The following ITPK1 variants were observed in gnomAD, a reference collection of about 807,000 sequenced individuals.
The protein encoded by ITPK1 is inositol 1,3,4-trisphosphate 5/6-kinase.
Under a neutral mutation model 45.3 loss-of-function variants are expected in ITPK1, and 21 were observed. That is an observed-to-expected ratio of 0.46 (90% CI 0.33 to 0.67). ITPK1 has a LOEUF of 0.67. Ranked by LOEUF, ITPK1 falls within the 30% of genes least tolerant of loss-of-function variation. The pLI, the probability that ITPK1 is intolerant of heterozygous loss-of-function variation, is 0.02. For missense variants in ITPK1, 474 were observed against 573.5 expected, an observed-to-expected ratio of 0.83 and a Z score of 1.77; for synonymous variants, 258 against 253.6, an observed-to-expected ratio of 1.02 and a Z score of -0.16.
chr14:92,951,484 G>A (rs1359519008), intron 9 of ITPK1, among the ~76,000 whole-genome samples: 2 of 152,182 alleles, frequency 1.3e-5, no homozygotes, highest in Non-Finnish European at 2.9e-5. Flanking sequence ...TGAACGGCCA[G>A]AACGCCCGTT....
rs537921002 is a variant in ITPK1, at chr14:92,977,033, C to T, written c.365-14184G>A. On this transcript the variant is annotated intron_variant, in intron 5 of 10. Transcript: ENST00000267615. ...TGCTCCATACTGTGTGAACTTGAGA[C>T]GGTTACTTCACCTTTTGGTGCCTTC... Among the ~76,000 whole-genome samples the T allele has an allele frequency of 1.8e-4, 28 of 152,342 alleles. No individual in the cohort carries two copies. In the South Asian group the frequency reaches 3.7e-3, roughly 20 times the overall value.
chr14:92,941,670 C>A lies in ITPK1; in HGVS notation c.1136G>T (p.Gly379Val). ...CTGGTGCGGCAGCTTGGCGGTGCCGCCCGCGTCGGCCTCAGCCTTCCAGGG... is the reference window on the plus strand; with the variant it reads ...CTGGTGCGGCAGCTTGGCGGTGCCGACCGCGTCGGCCTCAGCCTTCCAGGG... ...DAPWKAEADAGGTAKLPHQRL... is the reference protein window; with the variant it reads ...DAPWKAEADAVGTAKLPHQRL... The change falls in exon 11 of 11, where the codon GGC becomes GTC. Residue 379 changes from glycine to valine, a missense_variant. By Grantham distance (109) the Gly-to-Val change is moderately radical. Coordinates refer to ENST00000267615, the MANE Select transcript of ITPK1 (RefSeq NM_014216.6). 6.5e-7 allele frequency: 1 copy of A among 1,540,956 alleles called. No individual in the cohort carries two copies. Among genetic ancestry groups the A allele is most frequent in the Non-Finnish European group, 8.7e-7 (1 of 1,145,882 alleles).
chr14:93,053,546 T>C (rs377195915), intron 3 of ITPK1, among the ~76,000 whole-genome samples: 4 of 152,176 alleles, frequency 2.6e-5, no homozygotes, highest in African/African-American at 7.2e-5. Flanking sequence ...CTGCTCTGTA[T>C]GGTATGGTAA....
intron 3 of ITPK1, among the ~76,000 whole-genome samples, chr14:93,024,641 C>G (rs1888641803): frequency 1.3e-5 from 2 of 152,222 alleles, no homozygotes; most frequent in Non-Finnish European, 2.9e-5. Flanking sequence ...TACCGGGACC[C>G]TTATATTCCA....
At chr14:92,968,923 T>C (rs950979017) in intron 5 of ITPK1, among the ~76,000 whole-genome samples, 1 of 152,150 alleles carries the variant, frequency 6.6e-6, no homozygotes, top group Non-Finnish European at 1.5e-5. Flanking sequence ...AAGGCAGTCT[T>C]GAGCCCACAG....
At position 93,007,417 on chromosome 14, in the gene ITPK1, T is replaced by G. The variant is rs184557473; in HGVS notation, c.246+9259A>C. Among the ~76,000 whole-genome samples the G allele has an allele frequency of 3.1e-3, 406 of 130,168 alleles. 2 individuals carry two copies. The highest frequency in any genetic ancestry group is 0.011 in the African/African-American group (383 of 34,296). The allele number at this position is 130,168 out of a possible 152,430, so 85.4% of individuals were successfully genotyped here. On this transcript the variant is annotated intron_variant, in intron 4 of 10. Transcript: ENST00000267615. ...GTTCCCAGAATAAGCCAATGCCTCC[T>G]GGCAGCCCATGGGCTCCCCTGCCTT...
At chr14:93,108,188 G>A (rs1250749331) in intron 2 of ITPK1, among the ~76,000 whole-genome samples, 1 of 152,270 alleles carries the variant, frequency 6.6e-6, no homozygotes, top group Non-Finnish European at 1.5e-5. Context: ...GCAGGATGGG[G>A]AAGGTGTTTA....
At chr14:93,098,914 G>A (rs770319191) in intron 2 of ITPK1, among the ~76,000 whole-genome samples, 17 of 152,168 alleles carry the variant, frequency 1.1e-4, no homozygotes, top group Admixed American at 2.6e-4. Flanking sequence ...AGCAGGCCTT[G>A]CCCTCACCTG....
chr14:93,090,909 C>T (rs1313779516), intron 2 of ITPK1, among the ~76,000 whole-genome samples: 1 of 152,170 alleles, frequency 6.6e-6, no homozygotes, highest in African/African-American at 2.4e-5. Context: ...GTCTTGAAAA[C>T]GGACTCATCC....
intron 4 of ITPK1, among the ~76,000 whole-genome samples, chr14:93,001,165 C>T (rs1371793335): frequency 6.6e-6 from 1 of 151,464 alleles, no homozygotes; most frequent in African/African-American, 2.4e-5. Flanking sequence ...TGGTGGTGGG[C>T]GCCTGTAATC....
chr14:93,085,081 T>C (rs1891594656), intron 2 of ITPK1, among the ~76,000 whole-genome samples: 1 of 152,234 alleles, frequency 6.6e-6, no homozygotes, highest in Non-Finnish European at 1.5e-5. Flanking sequence ...TCCAGCCCCG[T>C]GTCACCCCTG....
chr14:93,007,306 C>G (rs968589935), intron 4 of ITPK1, among the ~76,000 whole-genome samples: 1 of 152,190 alleles, frequency 6.6e-6, no homozygotes, highest in Non-Finnish European at 1.5e-5. Flanking sequence ...AGCAGCTTCC[C>G]TACATCAAGG....
intron 2 of ITPK1, among the ~76,000 whole-genome samples, chr14:93,098,300 C>CA (rs1361151760): frequency 6.6e-6 from 1 of 151,862 alleles, no homozygotes; most frequent in Non-Finnish European, 1.5e-5. Context: ...ACTAAAACTA[C>CA]AAAAAAAGTA....
In ITPK1 at chr14:92,962,730, T is replaced by G. The variant is rs772823532; in HGVS notation, c.463+21A>C. On this transcript the variant is annotated intron_variant, in intron 6 of 10. Transcript: ENST00000267615. ...GCGGTCTACAGCGCCTGCCCTCAGG[T>G]GGAGCTGGGATGGTACGCACTGAAT... 2.5e-6 allele frequency: 4 copies of G among 1,579,128 alleles called. No homozygotes were observed. In the South Asian group the frequency reaches 4.4e-5, roughly 17 times the overall value.
At chr14:92,951,099 G>C (rs1370671199) in intron 9 of ITPK1, among the ~76,000 whole-genome samples, 1 of 152,242 alleles carries the variant, frequency 6.6e-6, no homozygotes, top group Non-Finnish European at 1.5e-5. Context: ...CCCAGGACAG[G>C]GAGGAAGAGA....
intron 2 of ITPK1, among the ~76,000 whole-genome samples, chr14:93,081,067 C>T (rs1595197297): frequency 1.3e-5 from 2 of 151,630 alleles, no homozygotes; most frequent in African/African-American, 2.4e-5. Flanking sequence ...TGGTGGCTCA[C>T]GCCTGTAATC....
At chr14:93,044,198 A>C (rs1220750281) in intron 3 of ITPK1, among the ~76,000 whole-genome samples, 2 of 152,242 alleles carry the variant, frequency 1.3e-5, no homozygotes, top group Non-Finnish European at 2.9e-5. Context: ...GGTGTGGGAC[A>C]ACAGAGAATG....
At chr14:93,009,679 C>A (rs1320855628) in intron 4 of ITPK1, among the ~76,000 whole-genome samples, 1 of 152,180 alleles carries the variant, frequency 6.6e-6, no homozygotes, top group Non-Finnish European at 1.5e-5. Context: ...CACAGCAACC[C>A]CAGAACAGGA....
chr14:93,015,344 T>A (rs757974187), intron 4 of ITPK1, among the ~76,000 whole-genome samples: 49 of 152,134 alleles, frequency 3.2e-4, no homozygotes, highest in African/African-American at 9.7e-4. Flanking sequence ...GGGTGAGTGC[T>A]GATCAGCCCA....
Sources: gnomAD v4.1 joint callset for allele counts (sites outside exome capture counted in the v4.1 genomes callset) on GRCh38, gnomAD v4.1.1 for gene constraint, MANE v1.5 for transcripts, NCBI Gene and HGNC (gene_info 2026-07-23, HGNC 2026-07-21) for gene names.